The following TBC1D4 variants were observed in gnomAD, a reference collection of about 807,000 sequenced individuals.
The protein encoded by TBC1D4 is TBC (Tre-2, BUB2, CDC16) domain-containing protein.
TBC1D4 carries 121 observed loss-of-function variants against 142.5 expected under a neutral mutation model. That is an observed-to-expected ratio of 0.85 (90% CI 0.73 to 0.99). The LOEUF (loss-of-function observed/expected upper bound fraction) is 0.99, where lower values mean the gene tolerates loss of function less well. TBC1D4 is among the 50% of genes least tolerant of loss of function. TBC1D4 has a pLI of 0.00. For synonymous variants in TBC1D4, 630 were observed against 628.2 expected, an observed-to-expected ratio of 1.00 and a Z score of -0.04; for missense variants, 1,475 against 1,606.6, an observed-to-expected ratio of 0.92 and a Z score of 1.40.
chr13:75,465,997 C>T (rs1048583906), intron 1 of TBC1D4, among the ~76,000 whole-genome samples: 4 of 152,178 alleles, frequency 2.6e-5, no homozygotes, highest in Non-Finnish European at 4.4e-5. Flanking sequence ...TACATCTCAC[C>T]TGTATCGACT....
At position 75,362,491 on chromosome 13, in the gene TBC1D4, C is replaced by T; in HGVS notation, c.615G>A (p.Leu205=). ...AFYNSQKFEV[L]YCGKVTVTHK... ...GGGTCACGGTCACCTTTCCACAGTA[C>T]AGGACTTCGAACTTCTGAGAGTTGT... The change falls in exon 2 of 21, where the codon CTG becomes CTA. Residue 205 remains leucine (L), a synonymous_variant. Coordinates refer to ENST00000377636, the MANE Select transcript of TBC1D4 (RefSeq NM_014832.5). The surrounding 1 kb of genome is among the most constrained non-coding windows in gnomAD (Gnocchi z 4.2). 1 of 1,614,220 alleles carries T rather than the reference C, an allele frequency of 6.2e-7. No individual in the cohort carries two copies. Among genetic ancestry groups the T allele is most frequent in the Non-Finnish European group, 8.5e-7 (1 of 1,180,040 alleles).
intron 1 of TBC1D4, among the ~76,000 whole-genome samples, chr13:75,434,479 A>C (rs550241036): frequency 3.6e-4 from 55 of 152,076 alleles, no homozygotes; most frequent in Non-Finnish European, 6.5e-4. Flanking sequence ...AACACAAAGA[A>C]GGAAACTACT....
At chr13:75,316,266 G>T (rs1695862852) in intron 12 of TBC1D4, among the ~76,000 whole-genome samples, 1 of 152,008 alleles carries the variant, frequency 6.6e-6, no homozygotes, top group East Asian at 1.9e-4. Flanking sequence ...AGTTTTGGGG[G>T]CAATATGTTA....
intron 1 of TBC1D4, among the ~76,000 whole-genome samples, chr13:75,477,101 G>C (rs1888655365): frequency 6.6e-6 from 1 of 152,152 alleles, no homozygotes; most frequent in African/African-American, 2.4e-5. Flanking sequence ...AAGGAGGAGA[G>C]AGAATAAAAA....
At chr13:75,451,294 A>T (rs183669783) in intron 1 of TBC1D4, among the ~76,000 whole-genome samples, 2 of 152,246 alleles carry the variant, frequency 1.3e-5, no homozygotes, top group South Asian at 2.1e-4. Context: ...TCTATAAAAT[A>T]ATAACTATTA....
chr13:75,466,192 G>T (rs1444821788), intron 1 of TBC1D4, among the ~76,000 whole-genome samples: 3 of 152,280 alleles, frequency 2.0e-5, no homozygotes, highest in East Asian at 3.9e-4. Context: ...TCACACTTGC[G>T]TAGTCAATAA....
intron 1 of TBC1D4, among the ~76,000 whole-genome samples, chr13:75,384,726 G>GA (rs920184831): frequency 4.0e-5 from 6 of 151,398 alleles, no homozygotes; most frequent in East Asian, 1.9e-4. Flanking sequence ...GGCTGATTCA[G>GA]AAAAAAAAGA....
At chr13:75,324,925 G>A (rs1417529333) in intron 10 of TBC1D4, among the ~76,000 whole-genome samples, 1 of 152,188 alleles carries the variant, frequency 6.6e-6, no homozygotes, top group African/African-American at 2.4e-5. Flanking sequence ...CAGTGGAATT[G>A]TGCCACTATG....
At chr13:75,424,458 C>T (rs1886296378) in intron 1 of TBC1D4, among the ~76,000 whole-genome samples, 1 of 151,812 alleles carries the variant, frequency 6.6e-6, no homozygotes, top group Non-Finnish European at 1.5e-5. Flanking sequence ...TCTACAGATT[C>T]AATGCAATTC....
chr13:75,306,711 T>C (rs1331325374), intron 14 of TBC1D4, among the ~76,000 whole-genome samples: 1 of 152,186 alleles, frequency 6.6e-6, no homozygotes, highest in Non-Finnish European at 1.5e-5. Context: ...GTATCTTACA[T>C]ATGGCGACTC....
At chr13:75,397,144 G>C (rs1382169380) in intron 1 of TBC1D4, among the ~76,000 whole-genome samples, 1 of 151,344 alleles carries the variant, frequency 6.6e-6, no homozygotes, top group Non-Finnish European at 1.5e-5. Flanking sequence ...AGCAGAGAAG[G>C]CAAGAAAAAA....
chr13:75,284,030 T>C lies in TBC1D4; in HGVS notation c.*2762A>G, dbSNP rs1874480619. On this transcript the variant is annotated 3_prime_UTR_variant, in exon 21 of 21. Transcript: ENST00000377636. ...AAACTATTCTCCAGCCTCCTATAAG[T>C]AGCAATATATGCCTCTCCTACTCTC... 6.6e-6 allele frequency among the ~76,000 whole-genome samples: 1 copy of C among 152,060 alleles called. No individual in the cohort carries two copies. The highest frequency in any genetic ancestry group is 2.4e-5 in the African/African-American group (1 of 41,386).
At chr13:75,298,601 A>T (rs1305521297) in intron 17 of TBC1D4, among the ~76,000 whole-genome samples, 2 of 152,160 alleles carry the variant, frequency 1.3e-5, no homozygotes, top group Non-Finnish European at 2.9e-5. Flanking sequence ...AAATACAAAA[A>T]AATTAGCCAG....
chr13:75,303,322 A>T (rs955073007), intron 15 of TBC1D4, among the ~76,000 whole-genome samples: 3 of 152,330 alleles, frequency 2.0e-5, no homozygotes, highest in Admixed American at 2.0e-4. Flanking sequence ...GTCTAAAAAA[A>T]AAAGAAATAA....
At chr13:75,410,001 A>C (rs1273437387) in intron 1 of TBC1D4, among the ~76,000 whole-genome samples, 1 of 152,214 alleles carries the variant, frequency 6.6e-6, no homozygotes, top group African/African-American at 2.4e-5. Flanking sequence ...TTTGTTCACC[A>C]AATTTGTTTA....
chr13:75,466,860 ACT>A (rs1216742376), intron 1 of TBC1D4, among the ~76,000 whole-genome samples: 4 of 151,664 alleles, frequency 2.6e-5, no homozygotes, highest in Non-Finnish European at 5.9e-5. Flanking sequence ...ACAAAGTGAG[ACT>A]CTGTCTCAAA....
Position 75,338,819 on chromosome 13 carries a change from G to A in TBC1D4, c.1612-1779C>T, listed in dbSNP as rs147103822. 1.8e-3 allele frequency among the ~76,000 whole-genome samples: 277 copies of A among 152,024 alleles called. 5 individuals are homozygous for A. Among genetic ancestry groups the A allele is most frequent in the African/African-American group, 6.2e-3 (256 of 41,460 alleles). On this transcript the variant is annotated intron_variant, in intron 7 of 20. Transcript: ENST00000377636. The stretch of plus-strand genomic sequence containing the variant: ...TATTCTCATCCCCTGCCCCACTCTC[G>A]TCTGCTTTCTTTATTTCCCGGCTCT...
chr13:75,295,730 A>C (rs1416497607), intron 17 of TBC1D4, among the ~76,000 whole-genome samples: 1 of 152,216 alleles, frequency 6.6e-6, no homozygotes, highest in Non-Finnish European at 1.5e-5. Context: ...TTTTAAACTC[A>C]TATCTGTGAT....
chr13:75,439,473 CT>C (rs1157769638), intron 1 of TBC1D4, among the ~76,000 whole-genome samples: 36 of 152,302 alleles, frequency 2.4e-4, no homozygotes, highest in African/African-American at 8.7e-4. Flanking sequence ...AATATTAAGA[CT>C]GCTATCCAGA....
Sources: allele counts gnomAD v4.1 joint callset (sites outside exome capture counted in the v4.1 genomes callset), GRCh38; gene constraint gnomAD v4.1.1; non-coding constraint Gnocchi (gnomAD v3.1); transcripts MANE v1.5; gene names NCBI Gene and HGNC (gene_info 2026-07-23, HGNC 2026-07-21).